EHBP1: variants seen among roughly 807,000 people sequenced by gnomAD.
EHBP1 encodes the protein EH domain-binding protein 1.
A neutral mutation model predicts 144.0 loss-of-function variants in EHBP1; 55 were observed. That is an observed-to-expected ratio of 0.38 (90% confidence interval 0.31 to 0.48). The LOEUF is 0.48. EHBP1 is among the 20% of genes least tolerant of loss of function. The pLI is 0.98. For synonymous variants in EHBP1, 469 were observed against 472.7 expected, an observed-to-expected ratio of 0.99 and a Z score of 0.10; for missense variants, 1,200 against 1,364.2, an observed-to-expected ratio of 0.88 and a Z score of 1.90.
rs900657540 is a variant in EHBP1 at position 62,942,707 on chromosome 2, T to C, written c.1186-11T>C. 3.0e-5 allele frequency: 46 copies of C among 1,555,422 alleles called. No individual in the cohort carries two copies. Among genetic ancestry groups the C allele is most frequent in the Non-Finnish European group, 3.9e-5 (45 of 1,149,842 alleles). ...TTCTTTTAATGTTTTCCCCTTTTCATTTTTTTCTAGCCAAGCCCTATACCA... is the reference window on the plus strand; with the variant it reads ...TTCTTTTAATGTTTTCCCCTTTTCACTTTTTTCTAGCCAAGCCCTATACCA... On this transcript the variant is annotated splice_polypyrimidine_tract_variant and intron_variant, in intron 10 of 22. Coordinates refer to ENST00000431489, the MANE Select transcript of EHBP1 (RefSeq NM_001142616.3).
chr2:62,951,557 C>A (rs538768339), intron 13 of EHBP1, among the ~76,000 whole-genome samples: 4 of 135,402 alleles, frequency 3.0e-5, no homozygotes, highest in South Asian at 4.9e-4. Flanking sequence ...TGGAGTCTTG[C>A]CCTGTCACCC....
At chr2:62,842,670 G>A (rs1270388372) in intron 7 of EHBP1, among the ~76,000 whole-genome samples, 4 of 152,130 alleles carry the variant, frequency 2.6e-5, no homozygotes, top group African/African-American at 9.7e-5. Flanking sequence ...TTTTCCTATA[G>A]ACTGAGTTTT....
At chr2:62,692,684 A>T (rs1165893433) in intron 1 of EHBP1, among the ~76,000 whole-genome samples, 1 of 152,180 alleles carries the variant, frequency 6.6e-6, no homozygotes, top group East Asian at 1.9e-4. Flanking sequence ...TATCATCTTC[A>T]GATAAATGTC....
intron 10 of EHBP1, among the ~76,000 whole-genome samples, chr2:62,895,108 T>C (rs184614856): frequency 8.4e-4 from 128 of 152,206 alleles, no homozygotes; most frequent in Non-Finnish European, 1.6e-3. Flanking sequence ...GGCAGAATTA[T>C]AGGAACAGAT....
intron 5 of EHBP1, among the ~76,000 whole-genome samples, chr2:62,782,267 G>T (rs956153863): frequency 6.6e-6 from 1 of 152,320 alleles, no homozygotes; most frequent in African/African-American, 2.4e-5. Flanking sequence ...TATGGTAAAT[G>T]TATAATGATA....
intron 10 of EHBP1, among the ~76,000 whole-genome samples, chr2:62,905,552 C>T (rs1255179259): frequency 1.3e-5 from 2 of 151,620 alleles, no homozygotes; most frequent in Non-Finnish European, 2.9e-5. Context: ...CGGTTGGGCG[C>T]AGCAGCTCAT....
chr2:62,995,797 G>A (rs1035880283), intron 18 of EHBP1, among the ~76,000 whole-genome samples: 1 of 151,940 alleles, frequency 6.6e-6, no homozygotes, highest in Non-Finnish European at 1.5e-5. Context: ...CCCTGACTTT[G>A]ATGATTTAAA....
At chr2:62,926,578 C>T (rs984854906) in intron 10 of EHBP1, among the ~76,000 whole-genome samples, 1 of 151,996 alleles carries the variant, frequency 6.6e-6, no homozygotes, top group African/African-American at 2.4e-5. Context: ...ATATTTTTTA[C>T]ATGTCCAACA....
intron 5 of EHBP1, among the ~76,000 whole-genome samples, chr2:62,803,460 C>T (rs566030541): frequency 6.6e-6 from 1 of 152,166 alleles, no homozygotes; most frequent in Non-Finnish European, 1.5e-5. Flanking sequence ...TACCACATTT[C>T]TTAATTTTTG....
chr2:62,969,103 G>T (rs2058377045), intron 14 of EHBP1, among the ~76,000 whole-genome samples: 1 of 152,038 alleles, frequency 6.6e-6, no homozygotes, highest in African/African-American at 2.4e-5. Flanking sequence ...TTTTTTTGGA[G>T]GCTCAAACTA....
chr2:62,743,067 T>A (rs1179695760), intron 2 of EHBP1, among the ~76,000 whole-genome samples: 1 of 152,114 alleles, frequency 6.6e-6, no homozygotes, highest in South Asian at 2.1e-4. Flanking sequence ...TTTGAGGTAT[T>A]TCCTCTTGGT....
intron 10 of EHBP1, among the ~76,000 whole-genome samples, chr2:62,934,567 G>C (rs1342861967): frequency 6.6e-6 from 1 of 152,156 alleles, no homozygotes; most frequent in African/African-American, 2.4e-5. Context: ...CATCAGGTAT[G>C]CTAGGCCATA....
chr2:62,947,496 A>G (rs186391233), intron 12 of EHBP1, among the ~76,000 whole-genome samples: 2 of 152,334 alleles, frequency 1.3e-5, no homozygotes, highest in African/African-American at 4.8e-5. Flanking sequence ...CTCTGAGAGT[A>G]TATCTAAACC....
intron 7 of EHBP1, among the ~76,000 whole-genome samples, chr2:62,840,021 G>A (rs2047666895): frequency 6.6e-6 from 1 of 152,130 alleles, no homozygotes; most frequent in African/African-American, 2.4e-5. Context: ...AAAAGGGCTT[G>A]CATTGCCAAG....
chr2:62,931,685 G>A (rs1329367941), intron 10 of EHBP1, among the ~76,000 whole-genome samples: 1 of 152,180 alleles, frequency 6.6e-6, no homozygotes, highest in Non-Finnish European at 1.5e-5. Context: ...GTAATGTGAT[G>A]AAATCTCACA....
chr2:62,733,600 C>T (rs531358117), intron 2 of EHBP1, among the ~76,000 whole-genome samples: 2 of 152,308 alleles, frequency 1.3e-5, no homozygotes, highest in South Asian at 4.1e-4. Flanking sequence ...TATTTCACTT[C>T]TCTCAGTTCA....
At chr2:62,757,668 G>T (rs1470857182) in intron 3 of EHBP1, among the ~76,000 whole-genome samples, 3 of 151,510 alleles carry the variant, frequency 2.0e-5, no homozygotes, top group Admixed American at 2.0e-4. Context: ...TCCTGACCTC[G>T]AGTGATCCAC....
intron 9 of EHBP1, among the ~76,000 whole-genome samples, chr2:62,867,107 T>C (rs549325944): frequency 1.3e-5 from 2 of 152,194 alleles, no homozygotes; most frequent in East Asian, 3.9e-4. Flanking sequence ...ATGACAAATA[T>C]ATTAGTATAT....
At chr2:62,726,193 C>T (rs1225854249) in intron 2 of EHBP1, among the ~76,000 whole-genome samples, 2 of 152,246 alleles carry the variant, frequency 1.3e-5, no homozygotes, top group African/African-American at 4.8e-5. Context: ...AGCTCCACAT[C>T]AGCTGGCTTA....
Sources: allele counts gnomAD v4.1 joint callset (sites outside exome capture counted in the v4.1 genomes callset), GRCh38; gene constraint gnomAD v4.1.1; transcripts MANE v1.5; gene names NCBI Gene and HGNC (gene_info 2026-07-23, HGNC 2026-07-21).